CCDC138: variants seen among roughly 807,000 people sequenced by gnomAD.
CCDC138 encodes the protein coiled-coil domain-containing protein 138.
In CCDC138, 66 loss-of-function variants were observed where a neutral mutation model predicts 82.3. That is an observed-to-expected ratio of 0.80 (90% CI 0.66 to 0.98). CCDC138 has a LOEUF of 0.98. Among genes scored for constraint, CCDC138 ranks in the 50% least tolerant of loss-of-function variants. The pLI, the probability that CCDC138 is intolerant of heterozygous loss-of-function variation, is 0.00. For synonymous variants in CCDC138, 297 were observed against 265.4 expected (o/e 1.12, Z -1.16); for missense variants, 816 against 758.9 (o/e 1.08, Z -0.88).
At chr2:108,862,032 A>G (rs1397200101) in intron 13 of CCDC138, among the ~76,000 whole-genome samples, 1 of 142,686 alleles carries the variant, frequency 7.0e-6, no homozygotes, top group African/African-American at 2.6e-5. Context: ...ATTGGTTTCT[A>G]TTTTTATTCC....
intron 10 of CCDC138, among the ~76,000 whole-genome samples, chr2:108,822,093 G>GCTGAAAATGAAAGGATGGAAAAA (rs1484641054): frequency 6.6e-6 from 1 of 152,070 alleles, no homozygotes; most frequent in Non-Finnish European, 1.5e-5. Context: ...GCACGTATCA[G>GCTGAAAATGAAAGGATGGAAAAA]CTGAAAATGA....
intron 6 of CCDC138, among the ~76,000 whole-genome samples, chr2:108,802,500 A>C (rs1682097631): frequency 6.9e-6 from 1 of 145,446 alleles, no homozygotes; most frequent in East Asian, 2.0e-4. Flanking sequence ...ACTTTGCTGA[A>C]GTTGCTTATC....
intron 1 of CCDC138, 79 bp from the exon 2 acceptor site, chr2:108,787,953 A>G: frequency 8.5e-7 from 1 of 1,177,986 alleles, no homozygotes; most frequent in South Asian, 1.4e-5. Context: ...TGTAATTAAT[A>G]CATAATTTGT....
Position 108,788,156 on chromosome 2 carries a change from C to A in CCDC138, c.151+67C>A, listed in dbSNP as rs1054066268. Reference sequence around the variant, plus strand: ...ATTTGAGGCTGGGCGCGGTGGCTCACGCCTGTAATCCCAGCACTTTGGGAG... The same window carrying A: ...ATTTGAGGCTGGGCGCGGTGGCTCAAGCCTGTAATCCCAGCACTTTGGGAG... On this transcript the variant is annotated intron_variant, in intron 2 of 14. Transcript: ENST00000295124. 17 of 1,515,812 alleles carry A rather than the reference C, an allele frequency of 1.1e-5. No individual in the cohort carries two copies. In the African/African-American group the frequency reaches 2.4e-4, roughly 21 times the overall value. 93.9% of individuals were successfully genotyped at this position (1,515,812 alleles called of 1,614,324 possible).
At chr2:108,830,461 A>T (rs1315207143) in intron 10 of CCDC138, among the ~76,000 whole-genome samples, 1 of 152,244 alleles carries the variant, frequency 6.6e-6, no homozygotes, top group Non-Finnish European at 1.5e-5. Flanking sequence ...AGGATTCTGC[A>T]TTCTAAGACA....
intron 13 of CCDC138, among the ~76,000 whole-genome samples, chr2:108,864,683 A>G (rs1558757603): frequency 6.6e-6 from 1 of 151,810 alleles, no homozygotes; most frequent in Non-Finnish European, 1.5e-5. Flanking sequence ...AGTCCCAGCT[A>G]CTCGGGAGGC....
intron 10 of CCDC138, among the ~76,000 whole-genome samples, chr2:108,833,727 T>C (rs1469904311): frequency 0.022 from 6 of 274 alleles, no homozygotes; most frequent in African/African-American, 0.05. Flanking sequence ...TGGAGTAAAC[T>C]TTTTTTTTTT....
intron 5 of CCDC138, among the ~76,000 whole-genome samples, chr2:108,795,872 T>C (rs1315649455): frequency 2.0e-5 from 3 of 152,110 alleles, no homozygotes; most frequent in Non-Finnish European, 4.4e-5. Flanking sequence ...AGCAAAGGAA[T>C]GTCAGAGTAA....
chr2:108,798,479 C>A lies in CCDC138; in HGVS notation c.628C>A (p.Arg210Ser), dbSNP rs767270069. ...KFAEELQKRE[R>S]FLLEREQLLF... ...TGCTGAAGAACTTCAAAAGCGAGAA[C>A]GTTTTTTACTTGAAAGAGAACAACT... The change falls in exon 6 of 15, where the codon CGT (arginine) becomes AGT (serine). Residue 210 changes from arginine to serine, a missense_variant. Coordinates refer to ENST00000295124, the MANE Select transcript of CCDC138 (RefSeq NM_144978.3). 2 of 1,613,648 alleles carry A rather than the reference C, an allele frequency of 1.2e-6. No homozygotes were observed. Among genetic ancestry groups the A allele is most frequent in the East Asian group, 2.2e-5 (1 of 44,838 alleles).
In CCDC138 at chr2:108,871,700, G is replaced by T. The variant is rs149760114; in HGVS notation, c.1694-1751G>T. 2.0e-5 allele frequency among the ~76,000 whole-genome samples: 3 copies of T among 152,072 alleles called. No individual in the cohort carries two copies. The South Asian group carries it at 6.2e-4, about 32-fold the overall frequency. On this transcript the variant is annotated intron_variant, in intron 13 of 14. Transcript: ENST00000295124. Reference sequence around the variant, plus strand: ...ATTGTATACCCTATTTAAATACTGTGTTCTACACAGAATTGATTGACTTCC... The same window carrying T: ...ATTGTATACCCTATTTAAATACTGTTTTCTACACAGAATTGATTGACTTCC...
chr2:108,793,450 A>T (rs1157171567), intron 4 of CCDC138, among the ~76,000 whole-genome samples: 1 of 152,198 alleles, frequency 6.6e-6, no homozygotes, highest in Non-Finnish European at 1.5e-5. Context: ...AGCAAGAGGA[A>T]CTCACCTACT....
At chr2:108,872,206 A>G (rs1178815201) in intron 13 of CCDC138, among the ~76,000 whole-genome samples, 2 of 152,044 alleles carry the variant, frequency 1.3e-5, no homozygotes, top group African/African-American at 4.8e-5. Flanking sequence ...GAGTCTGATC[A>G]TTTTCTCTTC....
downstream of CCDC138, among the ~76,000 whole-genome samples, chr2:108,878,697 T>TTAC (rs1319350959): frequency 6.6e-6 from 1 of 152,234 alleles, no homozygotes; most frequent in African/African-American, 2.4e-5. Flanking sequence ...AATATGTTAG[T>TTAC]AGTAAGTATC....
chr2:108,872,820 G>T (rs1695486328), intron 13 of CCDC138, among the ~76,000 whole-genome samples: 1 of 152,168 alleles, frequency 6.6e-6, no homozygotes, highest in Non-Finnish European at 1.5e-5. Context: ...CATTCTGCCT[G>T]CAGGCCCCCC....
At position 108,816,023 on chromosome 2, in the gene CCDC138, A is replaced by G. The variant is rs1684733750; in HGVS notation, c.1124A>G (p.His375Arg). 1.2e-6 allele frequency: 2 copies of G among 1,613,952 alleles called. No homozygotes were observed. The highest frequency in any genetic ancestry group is 1.7e-6 in the Non-Finnish European group (2 of 1,179,906). The change falls in exon 10 of 15, where the codon CAT (histidine) becomes CGT (arginine). Residue 375 changes from histidine to arginine, a missense_variant. Physicochemically the swap from His to Arg is conservative, Grantham distance 29. Transcript: ENST00000295124. ...GATCATCATCTTAGCAAAGTGAAAC[A>G]TGAAGAATCTGGAATGGATGGTAAA... is the stretch of plus-strand genomic sequence containing the variant. ...ISDHHLSKVK[H>R]EESGMDGKKP...
chr2:108,797,181 G>A (rs1681052744), intron 5 of CCDC138, among the ~76,000 whole-genome samples: 1 of 152,098 alleles, frequency 6.6e-6, no homozygotes, highest in African/African-American at 2.4e-5. Flanking sequence ...GAATGAGAAG[G>A]AAAATTGCTC....
chr2:108,792,854 G>C (rs1215889350), intron 4 of CCDC138, among the ~76,000 whole-genome samples: 1 of 151,932 alleles, frequency 6.6e-6, no homozygotes, highest in African/African-American at 2.4e-5. Context: ...CACGAGGTCA[G>C]GAGATCGAGA....
chr2:108,808,949 G>GGTCTTATA (rs1475968019), intron 7 of CCDC138, among the ~76,000 whole-genome samples: 8 of 151,974 alleles, frequency 5.3e-5, no homozygotes, highest in Non-Finnish European at 5.9e-5. Flanking sequence ...CATAGTTTTG[G>GGTCTTATA]GTCTTATATT....
chr2:108,809,427 C>T (rs1683398977), intron 7 of CCDC138, among the ~76,000 whole-genome samples: 1 of 147,714 alleles, frequency 6.8e-6, no homozygotes, highest in Admixed American at 6.8e-5. Flanking sequence ...ATTAATTGTT[C>T]CAGTCCATGA....
Sources: gnomAD v4.1 joint callset for allele counts (sites outside exome capture counted in the v4.1 genomes callset) on GRCh38, gnomAD v4.1.1 for gene constraint, MANE v1.5 for transcripts, NCBI Gene and HGNC (gene_info 2026-07-23, HGNC 2026-07-21) for gene names.